Variants in IL5RA observed in about 807,000 individuals in gnomAD.
IL5RA encodes interleukin 5 receptor subunit alpha.
IL5RA carries 49 observed loss-of-function variants against 50.0 expected under a neutral mutation model. That is an observed-to-expected ratio of 0.98 (90% CI 0.78 to 1.24). The LOEUF is 1.24. Ranked by LOEUF, IL5RA falls within the 50% of genes most tolerant of loss-of-function variation. The pLI, the probability that IL5RA is intolerant of heterozygous loss-of-function variation, is 0.00. For missense variants in IL5RA, 600 were observed against 500.4 expected (o/e 1.20, Z -1.90); for synonymous variants, 202 against 174.0 (o/e 1.16, Z -1.26).
chr3:3,109,759 G>T (rs1298686460), intron 1 of IL5RA, among the ~76,000 whole-genome samples, 186 bp downstream of exon 1: 1 of 152,002 alleles, frequency 6.6e-6, no homozygotes, highest in Non-Finnish European at 1.5e-5. Flanking sequence ...TCCCCTTTTT[G>T]TTGTTTACAA....
chr3:3,079,114 C>T (rs1261258532), intron 9 of IL5RA, among the ~76,000 whole-genome samples: 1 of 152,156 alleles, frequency 6.6e-6, no homozygotes, highest in Non-Finnish European at 1.5e-5. Flanking sequence ...CATCCTTTGA[C>T]CCTTTGCTAT....
rs975286180 is a variant in IL5RA, at chr3:3,067,930, G to C, written c.*2295C>G. 2 of 152,254 alleles carry C rather than the reference G, an allele frequency of 1.3e-5. No individual in the cohort carries two copies. The highest frequency in any genetic ancestry group is 4.8e-5 in the African/African-American group (2 of 41,474). 9.4% of individuals were successfully genotyped at this position (152,254 alleles called of 1,614,324 possible). The stretch of plus-strand genomic sequence containing the variant: ...TGTTCCTGCCTCCTAAGCAGAGGCA[G>C]TTTCCACAATGCCAACTGTCTGGGT... On this transcript the variant is annotated 3_prime_UTR_variant, in exon 12 of 12. Transcript: ENST00000446632.
Position 3,098,076 on chromosome 3 carries a change from G to A in IL5RA, c.522-19C>T, listed in dbSNP as rs751458473. ...GCCATACCTAAATTGGAACATTTACGAGTGTTATGAGGTTGCAGGAAACAA... is the reference window on the plus strand; with the variant it reads ...GCCATACCTAAATTGGAACATTTACAAGTGTTATGAGGTTGCAGGAAACAA... On this transcript the variant is annotated intron_variant, in intron 6 of 11. Coordinates refer to ENST00000446632, the MANE Select transcript of IL5RA (RefSeq NM_175726.4). The A allele has an allele frequency of 2.5e-6, 4 of 1,614,072 alleles. No individual in the cohort carries two copies. The highest frequency in any genetic ancestry group is 2.2e-5 in the South Asian group (2 of 91,076).
chr3:3,085,126 G>A (rs986323408), intron 9 of IL5RA, among the ~76,000 whole-genome samples: 6 of 152,216 alleles, frequency 3.9e-5, no homozygotes, highest in Non-Finnish European at 5.9e-5. Flanking sequence ...CTGCCAGGTG[G>A]GATCTAACCA....
Position 3,098,272 on chromosome 3 carries a change from A to T in IL5RA, c.386T>A (p.Ile129Asn), listed in dbSNP as rs760688252. The T allele has an allele frequency of 1.2e-6, 2 of 1,613,966 alleles. No individual in the cohort carries two copies. The highest frequency in any genetic ancestry group is 1.7e-6 in the Non-Finnish European group (2 of 1,179,924). Reference protein sequence around the residue: ...HAPPGSPGTSIVNLTCTTNTT... With the variant: ...HAPPGSPGTSNVNLTCTTNTT... ...GTTTGTGGTGCAAGTTAAATTCACA[A>T]TTGAGGTTCCAGGAGACCCTAGGTA... The change falls in exon 6 of 12, where the codon ATT becomes AAT. Residue 129 changes from isoleucine to asparagine, a missense_variant. Physicochemically the swap from Ile to Asn is moderately radical, Grantham distance 149. Coordinates refer to ENST00000446632, the MANE Select transcript of IL5RA (RefSeq NM_175726.4).
intron 8 of IL5RA, among the ~76,000 whole-genome samples, chr3:3,093,332 T>C (rs1336001005): frequency 4.6e-5 from 7 of 152,190 alleles, no homozygotes; most frequent in Non-Finnish European, 1.0e-4. Flanking sequence ...CAGGAACTAT[T>C]TATTACTGGC....
At chr3:3,076,103 C>G (rs538575392) in intron 10 of IL5RA, among the ~76,000 whole-genome samples, 2 of 152,124 alleles carry the variant, frequency 1.3e-5, no homozygotes, top group African/African-American at 2.4e-5. Flanking sequence ...ACTCAGGGGC[C>G]TGGTGACTTG....
chr3:3,085,616 A>G (rs1194135748), intron 9 of IL5RA, among the ~76,000 whole-genome samples: 2 of 152,316 alleles, frequency 1.3e-5, no homozygotes, highest in South Asian at 4.1e-4. Flanking sequence ...TTTTGATTCC[A>G]GGTGCCCAGG....
At chr3:3,083,018 C>A (rs1300260471) in intron 9 of IL5RA, among the ~76,000 whole-genome samples, 1 of 152,128 alleles carries the variant, frequency 6.6e-6, no homozygotes, top group Non-Finnish European at 1.5e-5. Flanking sequence ...CCAGCAGGTG[C>A]TGGGAGAAGT....
chr3:3,102,258 C>T (rs1157308455), intron 4 of IL5RA, among the ~76,000 whole-genome samples: 1 of 152,186 alleles, frequency 6.6e-6, no homozygotes, highest in Non-Finnish European at 1.5e-5. Flanking sequence ...AATGACTTGT[C>T]CCAGGTTGCA....
intron 4 of IL5RA, among the ~76,000 whole-genome samples, chr3:3,102,423 G>A (rs1231137812): frequency 6.6e-6 from 1 of 152,176 alleles, no homozygotes; most frequent in African/African-American, 2.4e-5. Context: ...TGCCTAAAAA[G>A]TTACTAAACA....
At chr3:3,079,012 C>A (rs995273383) in intron 9 of IL5RA, among the ~76,000 whole-genome samples, 8 of 152,058 alleles carry the variant, frequency 5.3e-5, no homozygotes, top group African/African-American at 1.9e-4. Flanking sequence ...TATAGTTGAG[C>A]CCACCTTGAA....
chr3:3,083,641 A>T (rs1445570025), intron 9 of IL5RA, among the ~76,000 whole-genome samples: 1 of 152,190 alleles, frequency 6.6e-6, no homozygotes, highest in Non-Finnish European at 1.5e-5. Context: ...GCAACCCAGA[A>T]CTTTCTTCCC....
At chr3:3,072,644 G>C (rs2125949200) in intron 11 of IL5RA, among the ~76,000 whole-genome samples, 1 of 152,328 alleles carries the variant, frequency 6.6e-6, no homozygotes, top group African/African-American at 2.4e-5. Flanking sequence ...TGTGGGCTGG[G>C]TGCAGTGGCT....
At chr3:3,109,529 A>C (rs1244390140) in intron 1 of IL5RA, among the ~76,000 whole-genome samples, 1 of 152,180 alleles carries the variant, frequency 6.6e-6, no homozygotes, top group Non-Finnish European at 1.5e-5. Flanking sequence ...AGCGGTGGAA[A>C]ACAGATGTCT....
intron 9 of IL5RA, among the ~76,000 whole-genome samples, chr3:3,081,983 G>A (rs1702680627): frequency 6.6e-6 from 1 of 152,042 alleles, no homozygotes; most frequent in Non-Finnish European, 1.5e-5. Flanking sequence ...AAATTGGCAG[G>A]AAAATTTTGT....
chr3:3,100,939 G>A (rs920810879), intron 5 of IL5RA, among the ~76,000 whole-genome samples: 2 of 151,144 alleles, frequency 1.3e-5, no homozygotes, highest in Admixed American at 6.6e-5. Flanking sequence ...TGGAGGCCAG[G>A]AGATCGAGAC....
chr3:3,075,296 G>A (rs982053305), intron 10 of IL5RA, among the ~76,000 whole-genome samples: 6 of 138,480 alleles, frequency 4.3e-5, no homozygotes, highest in African/African-American at 1.1e-4. Context: ...TCCACCTCTC[G>A]GGCTCAAGCA....
intron 9 of IL5RA, among the ~76,000 whole-genome samples, chr3:3,076,878 A>G (rs1279265159): frequency 6.6e-6 from 1 of 152,208 alleles, no homozygotes; most frequent in East Asian, 1.9e-4. Context: ...ATTCTTAAAG[A>G]ATGATTTATT....
Sources: gnomAD v4.1 joint callset for allele counts (sites outside exome capture counted in the v4.1 genomes callset) on GRCh38, gnomAD v4.1.1 for gene constraint, MANE v1.5 for transcripts, NCBI Gene and HGNC (gene_info 2026-07-23, HGNC 2026-07-21) for gene names.